Variants in SEMA3A observed in about 807,000 individuals in gnomAD.
SEMA3A encodes the protein semaphorin 3A, also known as semaphorin-3A.
Under a neutral mutation model 97.9 loss-of-function variants are expected in SEMA3A, and 29 were observed. The observed-to-expected ratio is 0.30, with a 90% CI of 0.22 to 0.40. The LOEUF (loss-of-function observed/expected upper bound fraction) is 0.40. Among genes scored for constraint, SEMA3A ranks in the 10% least tolerant of loss-of-function variants. The pLI, the probability that SEMA3A is intolerant of heterozygous loss-of-function variation, is 1.00. For synonymous variants in SEMA3A, 321 were observed against 323.7 expected (o/e 0.99, Z 0.09); for missense variants, 763 against 951.3 (o/e 0.80, Z 2.60).
intron 1 of SEMA3A, among the ~76,000 whole-genome samples, chr7:84,386,424 T>A (rs1026690024): frequency 2.0e-5 from 3 of 151,928 alleles, no homozygotes; most frequent in Non-Finnish European, 2.9e-5. Flanking sequence ...AAATGGTGCC[T>A]GAGATTTCAC....
intron 5 of SEMA3A, among the ~76,000 whole-genome samples, chr7:84,050,228 C>T (rs905590943): frequency 2.0e-5 from 3 of 151,968 alleles, no homozygotes; most frequent in Admixed American, 6.6e-5. Context: ...GGGTATATGC[C>T]CAGTAATGGG....
At chr7:84,173,559 C>CA (rs34919422) in intron 1 of SEMA3A, among the ~76,000 whole-genome samples, 9,174 of 79,516 alleles carry the variant, frequency 0.12, 684 homozygotes, top group African/African-American at 0.22. Flanking sequence ...AACTCTGTCT[C>CA]AAAAAAAAAA....
chr7:84,225,979 G>C (rs1798982507), intron 3 of SEMA3A, among the ~76,000 whole-genome samples: 1 of 152,040 alleles, frequency 6.6e-6, no homozygotes. Flanking sequence ...TTTCCCCTGA[G>C]AGCACAAGTG....
At chr7:84,021,144 T>C (rs531816204) in intron 6 of SEMA3A, among the ~76,000 whole-genome samples, 3 of 152,186 alleles carry the variant, frequency 2.0e-5, no homozygotes, top group Non-Finnish European at 4.4e-5. Flanking sequence ...GTGTTGCTAA[T>C]ATGCATTAAC....
chr7:84,425,134 TA>T (rs1286918413), intron 1 of SEMA3A, among the ~76,000 whole-genome samples: 1 of 110,398 alleles, frequency 9.1e-6, no homozygotes, highest in Non-Finnish European at 1.6e-5. Flanking sequence ...TATTTATATA[TA>T]AATATTATAT....
intron 3 of SEMA3A, among the ~76,000 whole-genome samples, chr7:84,246,662 T>A (rs1285927175): frequency 1.3e-5 from 2 of 152,108 alleles, no homozygotes; most frequent in African/African-American, 4.8e-5. Flanking sequence ...TCTCTTTTTT[T>A]TTCAGTATAG....
chr7:84,338,022 C>T (rs1208256158), intron 2 of SEMA3A, among the ~76,000 whole-genome samples: 1 of 151,808 alleles, frequency 6.6e-6, no homozygotes, highest in Non-Finnish European at 1.5e-5. Flanking sequence ...TTAACAAAAG[C>T]CTACACATAA....
At chr7:84,423,245 C>T (rs1804649608) in intron 1 of SEMA3A, among the ~76,000 whole-genome samples, 2 of 151,970 alleles carry the variant, frequency 1.3e-5, no homozygotes, top group Non-Finnish European at 1.5e-5. Context: ...CAATATTAGA[C>T]TCTAATATGA....
chr7:84,270,013 A>G (rs966054372), intron 3 of SEMA3A, among the ~76,000 whole-genome samples: 11 of 152,214 alleles, frequency 7.2e-5, no homozygotes, highest in Non-Finnish European at 1.3e-4. Context: ...TCTCCTCTAT[A>G]AAACTTGTTG....
intron 1 of SEMA3A, among the ~76,000 whole-genome samples, chr7:84,393,292 T>C (rs1350000194): frequency 1.3e-5 from 2 of 152,166 alleles, no homozygotes; most frequent in Admixed American, 1.3e-4. Flanking sequence ...ATACCATTTA[T>C]TGAAGAGTCT....
At chr7:84,148,063 C>A (rs544300693) in intron 1 of SEMA3A, among the ~76,000 whole-genome samples, 1 of 151,288 alleles carries the variant, frequency 6.6e-6, no homozygotes, top group Admixed American at 6.6e-5. Flanking sequence ...GCATGAGCCA[C>A]CATGCCTGGT....
intron 12 of SEMA3A, among the ~76,000 whole-genome samples, chr7:83,991,429 C>A (rs1469975184): frequency 7.3e-5 from 11 of 150,922 alleles, no homozygotes; most frequent in Admixed American, 7.3e-4. Context: ...CAGGTTTTGC[C>A]CATTCAGTAT....
intron 13 of SEMA3A, among the ~76,000 whole-genome samples, chr7:83,984,690 A>G (rs905718812): frequency 2.7e-5 from 4 of 148,618 alleles, no homozygotes; most frequent in Non-Finnish European, 5.9e-5. Flanking sequence ...TGGAGAAAAT[A>G]TTAGACATTA....
chr7:84,209,311 G>A (rs1223249188), intron 3 of SEMA3A, among the ~76,000 whole-genome samples: 4 of 152,152 alleles, frequency 2.6e-5, no homozygotes, highest in Non-Finnish European at 5.9e-5. Context: ...CTGTGTATGT[G>A]TGTATGTTTG....
intron 1 of SEMA3A, among the ~76,000 whole-genome samples, chr7:84,400,165 A>G (rs1037565485): frequency 1.3e-5 from 2 of 152,170 alleles, no homozygotes; most frequent in African/African-American, 4.8e-5. Context: ...GCCTCTGAAG[A>G]GGGACAGTTA....
At chr7:84,003,701 A>G (rs2116392511) in intron 11 of SEMA3A, among the ~76,000 whole-genome samples, 1 of 152,274 alleles carries the variant, frequency 6.6e-6, no homozygotes, top group Admixed American at 6.5e-5. Flanking sequence ...GTGAAGAAAA[A>G]GGCAAGTGTG....
chr7:84,265,047 C>G (rs1167267697), intron 3 of SEMA3A, among the ~76,000 whole-genome samples: 2 of 152,080 alleles, frequency 1.3e-5, no homozygotes, highest in Non-Finnish European at 2.9e-5. Context: ...ACCCAGAGTA[C>G]CCCACTTCGA....
At chr7:84,356,500 A>T (rs779894181) in intron 2 of SEMA3A, among the ~76,000 whole-genome samples, 41 of 151,594 alleles carry the variant, frequency 2.7e-4, no homozygotes, top group Non-Finnish European at 5.3e-4. Context: ...AGTATAAAAG[A>T]TTCTGAAATT....
chr7:84,184,872 C>A (rs1458043490), intron 1 of SEMA3A, among the ~76,000 whole-genome samples: 1 of 152,034 alleles, frequency 6.6e-6, no homozygotes, highest in African/African-American at 2.4e-5. Context: ...TACCAGTGCC[C>A]AGAAGAGAGC....
Sources: gnomAD v4.1 joint callset for allele counts (sites outside exome capture counted in the v4.1 genomes callset) on GRCh38, gnomAD v4.1.1 for gene constraint, MANE v1.5 for transcripts, NCBI Gene and HGNC (gene_info 2026-07-23, HGNC 2026-07-21) for gene names.